Variants in PDSS2 observed in about 807,000 individuals in gnomAD.
The protein encoded by PDSS2 is decaprenyl diphosphate synthase subunit 2.
PDSS2 carries 31 observed loss-of-function variants against 44.5 expected under a neutral mutation model. The ratio of observed to expected loss-of-function variants is 0.70; its 90% CI spans 0.52 to 0.94. The LOEUF is 0.94. Ranked by LOEUF, PDSS2 falls within the 40% of genes least tolerant of loss-of-function variation. The pLI is 0.00. For missense variants in PDSS2, 452 were observed against 482.2 expected, an observed-to-expected ratio of 0.94 and a Z score of 0.59; for synonymous variants, 157 against 180.3, an observed-to-expected ratio of 0.87 and a Z score of 1.03.
intron 4 of PDSS2, among the ~76,000 whole-genome samples, chr6:107,214,369 G>T (rs953767524): frequency 6.6e-6 from 1 of 152,118 alleles, no homozygotes; most frequent in Non-Finnish European, 1.5e-5. Context: ...GGGATTACAA[G>T]TGTGAGCCAC....
At chr6:107,216,922 G>A (rs1773432573) in intron 4 of PDSS2, among the ~76,000 whole-genome samples, 1 of 152,130 alleles carries the variant, frequency 6.6e-6, no homozygotes, top group African/African-American at 2.4e-5. Flanking sequence ...AGAAAGTCCA[G>A]AAAGCAACCA....
At chr6:107,340,662 G>C (rs2115282041) in intron 1 of PDSS2, among the ~76,000 whole-genome samples, 1 of 152,344 alleles carries the variant, frequency 6.6e-6, no homozygotes, top group East Asian at 1.9e-4. Context: ...TGCACAACTA[G>C]TTGCTAGAGG....
chr6:107,357,566 C>T (rs545511466), intron 1 of PDSS2, among the ~76,000 whole-genome samples: 1 of 152,170 alleles, frequency 6.6e-6, no homozygotes, highest in Admixed American at 6.5e-5. Context: ...TTACTAAGAA[C>T]TAAATTTTTA....
intron 1 of PDSS2, among the ~76,000 whole-genome samples, chr6:107,347,208 A>T (rs1778274108): frequency 6.7e-6 from 1 of 149,198 alleles, no homozygotes. Flanking sequence ...GTGGCAGCTG[A>T]TCCTTTAAAA....
chr6:107,232,466 T>C (rs1162447097), intron 4 of PDSS2, among the ~76,000 whole-genome samples: 2 of 152,182 alleles, frequency 1.3e-5, no homozygotes, highest in Non-Finnish European at 2.9e-5. Context: ...CCAACATAGT[T>C]AGCTGCTTTT....
intron 1 of PDSS2, among the ~76,000 whole-genome samples, chr6:107,359,118 C>A (rs1778682423): frequency 7.1e-6 from 1 of 140,876 alleles, no homozygotes; most frequent in African/African-American, 2.6e-5. Flanking sequence ...TCAAGTGATT[C>A]TCCTGCCTCA....
chr6:107,170,700 C>T (rs1771542830), intron 7 of PDSS2, among the ~76,000 whole-genome samples: 1 of 151,676 alleles, frequency 6.6e-6, no homozygotes, highest in South Asian at 2.1e-4. Flanking sequence ...GCAACCTCCA[C>T]CTCCCAGGTT....
intron 1 of PDSS2, among the ~76,000 whole-genome samples, chr6:107,421,587 T>C (rs560120839): frequency 2.6e-5 from 4 of 152,034 alleles, no homozygotes; most frequent in Non-Finnish European, 5.9e-5. Flanking sequence ...CTCAAAAGGT[T>C]ACGTACTATA....
intron 4 of PDSS2, among the ~76,000 whole-genome samples, chr6:107,227,638 C>T: frequency 6.6e-6 from 1 of 152,144 alleles, no homozygotes; most frequent in East Asian, 1.9e-4. Flanking sequence ...TCTCTGCTCC[C>T]TCCCAGTTAT....
chr6:107,436,649 T>C (rs778813223), intron 1 of PDSS2, among the ~76,000 whole-genome samples: 1 of 152,220 alleles, frequency 6.6e-6, no homozygotes, highest in Non-Finnish European at 1.5e-5. Context: ...GAGTAAGTTC[T>C]AGTGTTCTTT....
At chr6:107,455,093 G>A (rs1218483782) in intron 1 of PDSS2, among the ~76,000 whole-genome samples, 1 of 151,766 alleles carries the variant, frequency 6.6e-6, no homozygotes, top group Non-Finnish European at 1.5e-5. Context: ...ATACATGCTA[G>A]GACAACTTTG....
intron 1 of PDSS2, among the ~76,000 whole-genome samples, chr6:107,446,635 G>C (rs910494835): frequency 6.6e-6 from 1 of 152,114 alleles, no homozygotes; most frequent in Admixed American, 6.6e-5. Flanking sequence ...CTACATGGCT[G>C]GGGAGGCCTC....
chr6:107,287,503 CA>C (rs1199370550), intron 2 of PDSS2, among the ~76,000 whole-genome samples: 2 of 151,866 alleles, frequency 1.3e-5, no homozygotes, highest in Non-Finnish European at 2.9e-5. Context: ...CCCACATAAA[CA>C]TTTTTTTAAT....
chr6:107,375,026 G>A lies in PDSS2; in HGVS notation c.297-40694C>T, dbSNP rs181501944. ...CATGGGACAAAGAGGCTGTCAGAGG[G>A]AAATCAGAAAATGTTATAAATTGAA... is the stretch of plus-strand genomic sequence containing the variant. On this transcript the variant is annotated intron_variant, in intron 1 of 7. Transcript: ENST00000369037. Among the ~76,000 whole-genome samples, 770 of 151,864 alleles carry A rather than the reference G, an allele frequency of 5.1e-3. 4 individuals are homozygous for A. Among genetic ancestry groups the A allele is most frequent in the Middle Eastern group, 0.014 (4 of 294 alleles).
intron 2 of PDSS2, among the ~76,000 whole-genome samples, chr6:107,277,061 T>C (rs552363256): frequency 1.1e-4 from 17 of 152,316 alleles, no homozygotes; most frequent in Admixed American, 9.2e-4. Flanking sequence ...ACACAATAGA[T>C]AACTAACAGA....
chr6:107,266,516 A>G (rs1582869414), intron 3 of PDSS2, among the ~76,000 whole-genome samples: 2 of 152,104 alleles, frequency 1.3e-5, no homozygotes, highest in Admixed American at 6.6e-5. Context: ...TCAACATACA[A>G]CTATCAAATT....
chr6:107,388,797 A>C (rs1408137980), intron 1 of PDSS2, among the ~76,000 whole-genome samples: 1 of 152,174 alleles, frequency 6.6e-6, no homozygotes, highest in Non-Finnish European at 1.5e-5. Flanking sequence ...ATAATCAAAG[A>C]ACTGGAAGCA....
chr6:107,262,650 T>G (rs1775278399), intron 3 of PDSS2, among the ~76,000 whole-genome samples: 1 of 152,050 alleles, frequency 6.6e-6, no homozygotes, highest in South Asian at 2.1e-4. Flanking sequence ...CACGTGCCTG[T>G]AGTCCCAGCT....
intron 2 of PDSS2, among the ~76,000 whole-genome samples, chr6:107,320,571 C>T (rs1385808833): frequency 6.6e-6 from 1 of 152,058 alleles, no homozygotes; most frequent in Non-Finnish European, 1.5e-5. Context: ...AAAAAAGGTT[C>T]TTGTGTCAAA....
Sources: gnomAD v4.1 joint callset for allele counts (sites outside exome capture counted in the v4.1 genomes callset) on GRCh38, gnomAD v4.1.1 for gene constraint, MANE v1.5 for transcripts, NCBI Gene and HGNC (gene_info 2026-07-23, HGNC 2026-07-21) for gene names.